STK3: variants seen among roughly 807,000 people sequenced by gnomAD.
STK3 encodes serine/threonine kinase 3.
A neutral mutation model predicts 58.0 loss-of-function variants in STK3; 41 were observed. The ratio of observed to expected loss-of-function variants is 0.71; its 90% CI spans 0.55 to 0.92. The LOEUF (loss-of-function observed/expected upper bound fraction) is 0.92, where lower values mean the gene tolerates loss of function less well. STK3 is among the 40% of genes least tolerant of loss of function. The pLI, the probability that STK3 is intolerant of heterozygous loss-of-function variation, is 0.00. For missense variants in STK3, 479 were observed against 602.7 expected, an observed-to-expected ratio of 0.79 and a Z score of 2.15; for synonymous variants, 170 against 191.0, an observed-to-expected ratio of 0.89 and a Z score of 0.91.
At chr8:98,397,192 G>A (rs748705734), downstream of STK3, among the ~76,000 whole-genome samples, 3 of 152,144 alleles carry the variant, frequency 2.0e-5, no homozygotes, top group East Asian at 1.9e-4. Flanking sequence ...CCCTCTGTCC[G>A]ACAGATAAAT....
intron 10 of STK3, among the ~76,000 whole-genome samples, chr8:98,500,051 C>T (rs1823448773): frequency 6.6e-6 from 1 of 152,010 alleles, no homozygotes; most frequent in African/African-American, 2.4e-5. Context: ...GTGTGATTAA[C>T]TTAAGCATCT....
chr8:98,792,919 T>TGTGTGC (rs1832900122), intron 1 of STK3, among the ~76,000 whole-genome samples: 1 of 151,686 alleles, frequency 6.6e-6, no homozygotes, highest in Non-Finnish European at 1.5e-5. Flanking sequence ...TGTGTGTGTG[T>TGTGTGC]GTGTGTATTA....
At chr8:98,883,487 C>T (rs1224569281), downstream of STK3, 1 of 562,344 alleles carries the variant, frequency 1.8e-6, no homozygotes, top group Non-Finnish European at 3.2e-6. Flanking sequence ...GAAATCCAAA[C>T]ACTCTTCTGT....
intron 10 of STK3, among the ~76,000 whole-genome samples, 197 bp from the exon 11 acceptor site, chr8:98,456,197 A>C (rs967557741): frequency 2.6e-5 from 4 of 152,338 alleles, no homozygotes; most frequent in African/African-American, 9.6e-5. Flanking sequence ...ATATCTTGCA[A>C]GAACCTCCAG....
At chr8:98,438,473 C>A (rs1447037873) in intron 1 of STK3, 2 of 152,250 alleles carry the variant, frequency 1.3e-5, no homozygotes, top group Admixed American at 1.3e-4. Flanking sequence ...AGAGGTGGAA[C>A]CACGTCAACC....
At chr8:98,693,647 T>A (rs56356780) in intron 6 of STK3, among the ~76,000 whole-genome samples, 4,391 of 152,272 alleles carry the variant, frequency 0.029, 96 homozygotes, top group South Asian at 0.061. Flanking sequence ...TTCACCACTG[T>A]GTTAAATCCT....
intron 1 of STK3, among the ~76,000 whole-genome samples, chr8:98,897,221 C>T (rs1564089883): frequency 6.6e-6 from 1 of 152,154 alleles, no homozygotes. Context: ...CCATGCATCA[C>T]ATCAGTCAAC....
At chr8:98,489,810 AT>A (rs1182601986) in intron 10 of STK3, among the ~76,000 whole-genome samples, 1 of 152,160 alleles carries the variant, frequency 6.6e-6, no homozygotes, top group Non-Finnish European at 1.5e-5. Context: ...ATACTCACTT[AT>A]GCAATTAATT....
chr8:98,535,366 C>T (rs1180218875), intron 9 of STK3, among the ~76,000 whole-genome samples: 1 of 151,996 alleles, frequency 6.6e-6, no homozygotes, highest in East Asian at 1.9e-4. Context: ...ACTACTAATC[C>T]AGTGAAGACA....
At chr8:98,927,329 C>T (rs1839837291) in intron 1 of STK3, among the ~76,000 whole-genome samples, 2 of 152,200 alleles carry the variant, frequency 1.3e-5, no homozygotes, top group African/African-American at 2.4e-5. Flanking sequence ...TTCTGTGATT[C>T]ATTGTGGTTT....
At chr8:98,933,610 A>C (rs1840082685) in intron 1 of STK3, among the ~76,000 whole-genome samples, 3 of 152,220 alleles carry the variant, frequency 2.0e-5, no homozygotes, top group African/African-American at 4.8e-5. Context: ...CTTGGGGCTC[A>C]TGTAAATTGT....
At chr8:98,415,602 C>A (rs1563596266) in intron 3 of STK3, among the ~76,000 whole-genome samples, 1 of 152,214 alleles carries the variant, frequency 6.6e-6, no homozygotes, top group Non-Finnish European at 1.5e-5. Flanking sequence ...CACTCTTATT[C>A]TGACCCCTTT....
intron 3 of STK3, among the ~76,000 whole-genome samples, chr8:98,412,048 CT>C (rs1416802666): frequency 6.6e-6 from 1 of 152,244 alleles, no homozygotes; most frequent in Non-Finnish European, 1.5e-5. Context: ...CACAGCCACT[CT>C]TTGCCAAAAG....
chr8:98,478,792 C>A (rs966312885), intron 10 of STK3, among the ~76,000 whole-genome samples: 1 of 152,118 alleles, frequency 6.6e-6, no homozygotes, highest in Admixed American at 6.6e-5. Context: ...TGGCTCCCTA[C>A]CCTCTGTCTC....
At chr8:98,761,694 T>C (rs530188808) in intron 3 of STK3, among the ~76,000 whole-genome samples, 7 of 152,198 alleles carry the variant, frequency 4.6e-5, no homozygotes, top group Admixed American at 1.3e-4. Context: ...TAAATCTCAA[T>C]CACACAGCAA....
chr8:98,400,673 C>T (rs1817933404), downstream of STK3, among the ~76,000 whole-genome samples: 1 of 152,200 alleles, frequency 6.6e-6, no homozygotes, highest in African/African-American at 2.4e-5. Flanking sequence ...ACAGCCAATT[C>T]CAGTAAATCT....
chr8:98,573,649 C>T lies in STK3; in HGVS notation c.948+6015G>A, dbSNP rs567641694. On this transcript the variant is annotated intron_variant, in intron 8 of 10. Transcript: ENST00000419617. ...AACACAATCATGCCTTTCCAACAGT[C>T]CCCCAAAGTCTTAGCTCATTCCAGC... 2.6e-4 allele frequency among the ~76,000 whole-genome samples: 40 copies of T among 152,160 alleles called. 1 individual carries two copies. The East Asian group carries it at 6.0e-3, about 23-fold the overall frequency.
intron 2 of STK3, among the ~76,000 whole-genome samples, chr8:98,436,480 C>T (rs550819491): frequency 2.0e-5 from 3 of 152,336 alleles, no homozygotes; most frequent in African/African-American, 7.2e-5. Context: ...ATCAATGGAA[C>T]CACAGTGTTC....
At chr8:98,743,692 A>G (rs1206168918) in intron 4 of STK3, among the ~76,000 whole-genome samples, 1 of 152,132 alleles carries the variant, frequency 6.6e-6, no homozygotes, top group African/African-American at 2.4e-5. Context: ...CTTCATGTCT[A>G]AAACACCAAA....
Sources: allele counts gnomAD v4.1 joint callset (sites outside exome capture counted in the v4.1 genomes callset), GRCh38; gene constraint gnomAD v4.1.1; transcripts MANE v1.5; gene names NCBI Gene and HGNC (gene_info 2026-07-23, HGNC 2026-07-21).